ZCCHC7: variants seen among roughly 807,000 people sequenced by gnomAD.
The protein encoded by ZCCHC7 is zinc finger CCHC-type containing 7.
In ZCCHC7, 35 loss-of-function variants were observed where a neutral mutation model predicts 52.0. That is an observed-to-expected ratio of 0.67 (90% CI 0.51 to 0.89). The LOEUF (loss-of-function observed/expected upper bound fraction) is 0.89. ZCCHC7 is among the 40% of genes least tolerant of loss of function. ZCCHC7 has a pLI of 0.00. For missense variants in ZCCHC7, 574 were observed against 649.1 expected (o/e 0.88, Z 1.26); for synonymous variants, 217 against 221.5 (o/e 0.98, Z 0.18).
intron 2 of ZCCHC7, among the ~76,000 whole-genome samples, chr9:37,266,701 C>T (rs1370513448): frequency 6.6e-6 from 1 of 152,054 alleles, no homozygotes; most frequent in East Asian, 1.9e-4. Flanking sequence ...TAGCAAGACT[C>T]CATCTCTACA....
intron 2 of ZCCHC7, among the ~76,000 whole-genome samples, chr9:37,159,443 A>C (rs774381421): frequency 2.0e-5 from 3 of 152,196 alleles, no homozygotes; most frequent in Non-Finnish European, 4.4e-5. Context: ...TGTTAATTTT[A>C]TTTTAACTTT....
intron 2 of ZCCHC7, among the ~76,000 whole-genome samples, chr9:37,257,430 A>G (rs1225020371): frequency 6.6e-6 from 1 of 152,214 alleles, no homozygotes; most frequent in Non-Finnish European, 1.5e-5. Flanking sequence ...ACTTCAGTCA[A>G]AACAACATAT....
intron 2 of ZCCHC7, among the ~76,000 whole-genome samples, chr9:37,269,006 A>G (rs949692955): frequency 1.1e-4 from 17 of 152,212 alleles, no homozygotes; most frequent in Admixed American, 5.9e-4. Context: ...TTTAAGCTGA[A>G]ATCCAAAAGA....
intron 2 of ZCCHC7, among the ~76,000 whole-genome samples, chr9:37,228,753 A>G (rs1490410710): frequency 6.6e-6 from 1 of 151,954 alleles, no homozygotes; most frequent in Non-Finnish European, 1.5e-5. Context: ...GCTTATATGA[A>G]TATATTCATA....
At position 37,130,235 on chromosome 9, in the gene ZCCHC7, CAA is replaced by C. The variant is rs33929421; in HGVS notation, c.610+3309_610+3310del. 1.2e-3 allele frequency among the ~76,000 whole-genome samples: 123 copies of C among 104,286 alleles called. 1 individual carries two copies. The highest frequency in any genetic ancestry group is 2.6e-3 in the African/African-American group (73 of 28,330). 68.4% of individuals were successfully genotyped at this position (104,286 alleles called of 152,430 possible). A position where few individuals can be genotyped will look rare whatever the true frequency, so the allele number is the denominator to read the frequency against. On this transcript the variant is annotated intron_variant, in intron 2 of 8. Transcript: ENST00000336755. Reference sequence around the variant, plus strand: ...CCTGGGTGATGGAGTGAGACTGTCTCAAAAAAAAAAAAAAAAAGATAAGTTTT... The same window carrying C: ...CCTGGGTGATGGAGTGAGACTGTCTCAAAAAAAAAAAAAAAGATAAGTTTT...
At chr9:37,127,090 AC>A in intron 2 of ZCCHC7, 148 bp downstream of exon 2, 1 of 882,410 alleles carries the variant, frequency 1.1e-6, no homozygotes, top group Non-Finnish European at 1.7e-6. Context: ...CGACTCTCTT[AC>A]CAGTGGCTAC....
chr9:37,185,738 C>T (rs374042491), intron 2 of ZCCHC7, among the ~76,000 whole-genome samples: 1 of 152,148 alleles, frequency 6.6e-6, no homozygotes, highest in Non-Finnish European at 1.5e-5. Context: ...GGACACCTGT[C>T]ATTGGTTTCA....
At chr9:37,306,121 G>A (rs1216032274) in intron 5 of ZCCHC7, among the ~76,000 whole-genome samples, 1 of 152,052 alleles carries the variant, frequency 6.6e-6, no homozygotes, top group Non-Finnish European at 1.5e-5. Context: ...AGGCTGGAGT[G>A]CGGTGGTGCA....
intron 5 of ZCCHC7, among the ~76,000 whole-genome samples, chr9:37,306,000 G>T (rs1408343390): frequency 6.6e-6 from 1 of 151,960 alleles, no homozygotes; most frequent in Non-Finnish European, 1.5e-5. Flanking sequence ...TTATAAGCTT[G>T]TTAAATAAAG....
At chr9:37,303,655 CTTTTTTT>C (rs74182940) in intron 3 of ZCCHC7, among the ~76,000 whole-genome samples, 5 of 56,774 alleles carry the variant, frequency 8.8e-5, no homozygotes, top group East Asian at 5.7e-4. Context: ...TTTTCTACCT[CTTTTTTT>C]TTTTTTTTTT....
At chr9:37,323,506 T>C (rs1201166842) in intron 5 of ZCCHC7, among the ~76,000 whole-genome samples, 1 of 152,206 alleles carries the variant, frequency 6.6e-6, no homozygotes, top group Non-Finnish European at 1.5e-5. Flanking sequence ...TAAAGACCAA[T>C]GCATGGCTTT....
At chr9:37,156,943 C>A (rs1368980958) in intron 2 of ZCCHC7, among the ~76,000 whole-genome samples, 1 of 152,006 alleles carries the variant, frequency 6.6e-6, no homozygotes, top group Non-Finnish European at 1.5e-5. Flanking sequence ...GAGTTGGTAG[C>A]ATAGTACAGT....
intron 2 of ZCCHC7, among the ~76,000 whole-genome samples, chr9:37,153,336 A>G (rs1390710033): frequency 6.6e-6 from 1 of 151,832 alleles, no homozygotes; most frequent in Admixed American, 6.6e-5. Context: ...ATGCCTGGCT[A>G]ATTTTGGTAT....
chr9:37,172,270 C>G (rs1486820374), intron 2 of ZCCHC7, among the ~76,000 whole-genome samples: 1 of 152,164 alleles, frequency 6.6e-6, no homozygotes, highest in Non-Finnish European at 1.5e-5. Flanking sequence ...AAATTTGTTG[C>G]TTTTGTTACT....
chr9:37,143,957 T>C (rs1281571724), intron 2 of ZCCHC7, among the ~76,000 whole-genome samples: 2 of 151,898 alleles, frequency 1.3e-5, no homozygotes, highest in Non-Finnish European at 2.9e-5. Context: ...AGTTTAGAAT[T>C]AAAATATCCT....
At chr9:37,336,375 T>A (rs1830659502) in intron 6 of ZCCHC7, among the ~76,000 whole-genome samples, 1 of 152,182 alleles carries the variant, frequency 6.6e-6, no homozygotes, top group Non-Finnish European at 1.5e-5. Context: ...AGATGGAACA[T>A]ATTGTAAAAG....
intron 2 of ZCCHC7, among the ~76,000 whole-genome samples, chr9:37,210,024 TA>T (rs1464391433): frequency 1.9e-4 from 29 of 152,224 alleles, no homozygotes; most frequent in Non-Finnish European, 2.8e-4. Flanking sequence ...TATTTATTTT[TA>T]TTTTTTTATT....
At chr9:37,199,998 G>A (rs1237861414) in intron 2 of ZCCHC7, among the ~76,000 whole-genome samples, 2 of 152,164 alleles carry the variant, frequency 1.3e-5, no homozygotes, top group African/African-American at 4.8e-5. Flanking sequence ...GAGCCACTGT[G>A]CCAGGACTGT....
chr9:37,356,792 TG>T, intron 8 of ZCCHC7, 42 bp from the exon 9 acceptor site: 1 of 1,521,802 alleles, frequency 6.6e-7, no homozygotes, highest in Admixed American at 2.2e-5. Flanking sequence ...CAGCATGGAC[TG>T]TTTAGCTGCT....
Sources: allele counts gnomAD v4.1 joint callset (sites outside exome capture counted in the v4.1 genomes callset), GRCh38; gene constraint gnomAD v4.1.1; transcripts MANE v1.5; gene names NCBI Gene and HGNC (gene_info 2026-07-23, HGNC 2026-07-21).